Variants in LAMA3 observed in about 807,000 individuals in gnomAD.
The protein encoded by LAMA3 is laminin subunit alpha 3, also known as laminin subunit alpha-3.
LAMA3 carries 281 observed loss-of-function variants against 402.0 expected under a neutral mutation model. That is an observed-to-expected ratio of 0.70 (90% confidence interval 0.63 to 0.77). LAMA3 has a LOEUF of 0.77. Ranked by LOEUF, LAMA3 falls within the 30% of genes least tolerant of loss-of-function variation. The probability of loss-of-function intolerance (pLI) is 0.00; values close to 1 mark genes in which losing one functional copy is unlikely to be tolerated. For synonymous variants in LAMA3, 1,431 were observed against 1,558.4 expected (o/e 0.92, Z 1.93); for missense variants, 3,840 against 4,215.5 (o/e 0.91, Z 2.47).
chr18:23,849,174 A>G (rs906394402), intron 32 of LAMA3, among the ~76,000 whole-genome samples: 1 of 152,224 alleles, frequency 6.6e-6, no homozygotes, highest in Non-Finnish European at 1.5e-5. Flanking sequence ...TGGGGATACA[A>G]TTCAACTCTC....
At chr18:23,809,877 A>G (rs7234004) in intron 12 of LAMA3, among the ~76,000 whole-genome samples, 3,595 of 152,174 alleles carry the variant, frequency 0.024, 141 homozygotes, top group African/African-American at 0.083. Context: ...AATGGCTTGC[A>G]CTTGATATGG....
Position 23,951,738 on chromosome 18 carries a change from A to G in LAMA3, c.9697A>G (p.Lys3233Glu). 1 of 1,613,994 alleles carries G rather than the reference A, an allele frequency of 6.2e-7. No homozygotes were observed. The highest frequency in any genetic ancestry group is 2.2e-5 in the East Asian group (1 of 44,864). ...TGGGACCTCAACGTCGGTCACACCA[A>G]AGCAGTCTCTGTGTGATGGACAGTG... is the stretch of plus-strand genomic sequence containing the variant. The part of the protein sequence containing the change: ...AGGTSTSVTP[K>E]QSLCDGQWHS... Residue 3233 changes from lysine to glutamate, a missense_variant, in exon 73 of 75, where the codon AAG becomes GAG. Transcript: ENST00000313654.
rs183245460 is a variant in LAMA3, at chr18:23,796,149, G to T, written c.1603+11992G>T. ...GGAGAAATAAATTTCTATTGTTTAAGCCCACCAGTCTATGGTATTTTGTTA... is the reference window on the plus strand; with the variant it reads ...GGAGAAATAAATTTCTATTGTTTAATCCCACCAGTCTATGGTATTTTGTTA... On this transcript the variant is annotated intron_variant, in intron 12 of 74. Transcript: ENST00000313654. 6 of 403,802 alleles carry T rather than the reference G, an allele frequency of 1.5e-5. No individual in the cohort carries two copies. The Admixed American group carries it at 1.6e-4, about 11-fold the overall frequency. 25.0% of individuals were successfully genotyped at this position (403,802 alleles called of 1,614,324 possible).
At chr18:23,836,640 G>A (rs145844526) in intron 24 of LAMA3, among the ~76,000 whole-genome samples, 28 of 152,258 alleles carry the variant, frequency 1.8e-4, no homozygotes, top group African/African-American at 6.5e-4. Flanking sequence ...CTTTAATTGT[G>A]AATAGCCCCG....
chr18:23,726,141 G>T (rs1437659519), intron 2 of LAMA3, among the ~76,000 whole-genome samples: 2 of 152,214 alleles, frequency 1.3e-5, no homozygotes, highest in East Asian at 1.9e-4. Context: ...GGGAGGGTGA[G>T]TGGGGCAAGG....
intron 74 of LAMA3, among the ~76,000 whole-genome samples, chr18:23,954,062 A>T (rs2083023573): frequency 6.6e-6 from 1 of 152,118 alleles, no homozygotes; most frequent in African/African-American, 2.4e-5. Context: ...TGAAGTGGAG[A>T]GGGCTGAGTG....
intron 27 of LAMA3, 134 bp from the exon 28 acceptor site, chr18:23,842,260 TG>T: frequency 9.4e-7 from 1 of 1,064,686 alleles, no homozygotes; most frequent in Admixed American, 1.9e-5. Flanking sequence ...TGGGTGAAGA[TG>T]GGTTGTCATT....
intron 1 of LAMA3, among the ~76,000 whole-genome samples, chr18:23,694,688 A>C (rs2060652071): frequency 6.6e-6 from 1 of 152,222 alleles, no homozygotes; most frequent in African/African-American, 2.4e-5. Flanking sequence ...CTACTGTCAC[A>C]GACATGCTAA....
chr18:23,952,849 G>T (rs1260047611), intron 73 of LAMA3, 141 bp from the exon 74 acceptor site: 6 of 992,720 alleles, frequency 6.0e-6, no homozygotes, highest in Non-Finnish European at 9.4e-6. Context: ...GAAGTTAATT[G>T]AATTTATATC....
intron 1 of LAMA3, chr18:23,709,998 A>C (rs1215060583): frequency 2.7e-6 from 2 of 747,554 alleles, no homozygotes; most frequent in African/African-American, 1.7e-5. Context: ...ATCCACAACG[A>C]ACACAAGTGT....
chr18:23,900,218 C>T (rs1052870183), intron 47 of LAMA3, among the ~76,000 whole-genome samples: 1 of 152,040 alleles, frequency 6.6e-6, no homozygotes, highest in Non-Finnish European at 1.5e-5. Context: ...TTACAGGTGC[C>T]TGCCACCATG....
chr18:23,753,748 A>G lies in LAMA3; in HGVS notation c.883A>G (p.Ile295Val), dbSNP rs541234075. 46 of 1,613,964 alleles carry G rather than the reference A, an allele frequency of 2.9e-5. No homozygotes were observed. In the South Asian group the frequency reaches 4.6e-4, roughly 16 times the overall value. Residue 295 changes from isoleucine (I) to valine (V), a missense_variant, in exon 6 of 75, where the codon ATT (isoleucine) becomes GTT (valine). Ile to Val is a conservative substitution (Grantham distance 29). This residue lies in a region of LAMA3 where 2,109 missense variants were observed against 2,376.0 expected (regional missense o/e 0.89). Coordinates refer to ENST00000313654, the MANE Select transcript of LAMA3 (RefSeq NM_198129.4). ...TTATTACAGCATAAAGGACATCAGC[A>G]TTGGTGGGCAGTGTGTTTGCAATGG... is the stretch of plus-strand genomic sequence containing the variant. ...RYYYSIKDISIGGQCVCNGHA... is the reference protein window; with the variant it reads ...RYYYSIKDISVGGQCVCNGHA...
chr18:23,900,922 A>G (rs1175727930), intron 47 of LAMA3, among the ~76,000 whole-genome samples: 2 of 152,116 alleles, frequency 1.3e-5, no homozygotes, highest in Non-Finnish European at 2.9e-5. Flanking sequence ...ATGATAATTT[A>G]TTGTTTTCCT....
intron 8 of LAMA3, among the ~76,000 whole-genome samples, chr18:23,767,257 G>A (rs2062094515): frequency 6.6e-6 from 1 of 152,208 alleles, no homozygotes; most frequent in African/African-American, 2.4e-5. Flanking sequence ...CCATGCTCAT[G>A]GATTGGAAGA....
rs1465491608 is a variant in LAMA3, at chr18:23,879,813, TGAC to T, written c.5113-2122_5113-2120del. On this transcript the variant is annotated intron_variant, in intron 39 of 74. Coordinates refer to ENST00000313654, the MANE Select transcript of LAMA3 (RefSeq NM_198129.4). The surrounding 1 kb of genome is among the most constrained non-coding windows in gnomAD (Gnocchi z 4.2). ...GGACTTTGTCAAGCAACACGGGTTT[TGAC>T]ACTCTTCCTTGATCCTCTCCTCTCA... is the stretch of plus-strand genomic sequence containing the variant. Among the ~76,000 whole-genome samples the T allele has an allele frequency of 6.6e-6, 1 of 152,194 alleles. No individual in the cohort carries two copies. Among genetic ancestry groups the T allele is most frequent in the African/African-American group, 2.4e-5 (1 of 41,448 alleles).
chr18:23,761,719 A>T (rs976891239), intron 7 of LAMA3, among the ~76,000 whole-genome samples: 2 of 152,190 alleles, frequency 1.3e-5, no homozygotes, highest in African/African-American at 4.8e-5. Flanking sequence ...TGACAGTGAA[A>T]TTTTATTTTA....
At chr18:23,750,880 G>A in intron 4 of LAMA3, 38 bp from the exon 5 acceptor site, 3 of 1,612,152 alleles carry the variant, frequency 1.9e-6, no homozygotes, top group Non-Finnish European at 2.5e-6. Context: ...TTGATAAAAG[G>A]AACTTTTTCC....
intron 25 of LAMA3, among the ~76,000 whole-genome samples, chr18:23,838,533 G>C (rs887995277): frequency 6.6e-6 from 1 of 152,146 alleles, no homozygotes; most frequent in African/African-American, 2.4e-5. Context: ...TTTGTTCTCA[G>C]TTCTATTTAT....
In LAMA3 at chr18:23,884,047, GGTGTGTGTGTGTGTGTGTGTGTGT is replaced by G. The variant is rs60711151; in HGVS notation, c.5223-697_5223-674del. 4.0e-3 allele frequency among the ~76,000 whole-genome samples: 554 copies of G among 138,884 alleles called. 3 individuals carry two copies. Among genetic ancestry groups the G allele is most frequent in the Middle Eastern group, 0.021 (6 of 282 alleles). The allele number at this position is 138,884 out of a possible 152,430, so 91.1% of individuals were successfully genotyped here. ...AACAGGGCTTTTTCATGGTCTCTTTGGTGTGTGTGTGTGTGTGTGTGTGTGTGTGTGTGTGTGTGTGTGTGTGTG... is the reference window on the plus strand; with the variant it reads ...AACAGGGCTTTTTCATGGTCTCTTTGGTGTGTGTGTGTGTGTGTGTGTGTG... On this transcript the variant is annotated intron_variant, in intron 40 of 74. Transcript: ENST00000313654.
Sources: allele counts gnomAD v4.1 joint callset (sites outside exome capture counted in the v4.1 genomes callset), GRCh38; gene constraint gnomAD v4.1.1; regional missense constraint gnomAD v4.1.1; non-coding constraint Gnocchi (gnomAD v3.1); transcripts MANE v1.5; gene names NCBI Gene and HGNC (gene_info 2026-07-23, HGNC 2026-07-21).